TRAPPC9: variants seen among roughly 807,000 people sequenced by gnomAD.
The protein encoded by TRAPPC9 is IKK2 binding protein.
TRAPPC9 carries 83 observed loss-of-function variants against 124.0 expected under a neutral mutation model. The observed-to-expected ratio is 0.67, with a 90% CI of 0.56 to 0.80. The LOEUF (loss-of-function observed/expected upper bound fraction) is 0.80. Among genes scored for constraint, TRAPPC9 ranks in the 30% least tolerant of loss-of-function variants. The probability of loss-of-function intolerance (pLI) is 0.00; values close to 1 mark genes in which losing one functional copy is unlikely to be tolerated. For synonymous variants in TRAPPC9, 638 were observed against 617.5 expected (o/e 1.03, Z -0.49); for missense variants, 1,302 against 1,508.3 (o/e 0.86, Z 2.27).
At chr8:140,081,972 C>G (rs767431639) in intron 17 of TRAPPC9, 1 of 152,314 alleles carries the variant, frequency 6.6e-6, no homozygotes, top group African/African-American at 2.4e-5. Context: ...CAGGGGACCA[C>G]GCACACTCTT....
intron 7 of TRAPPC9, among the ~76,000 whole-genome samples, chr8:140,380,806 T>A (rs1046282386): frequency 2.0e-5 from 3 of 151,924 alleles, no homozygotes; most frequent in African/African-American, 7.3e-5. Context: ...TGACCTCGGG[T>A]TAGCAATCTT....
chr8:139,739,222 C>A (rs1166423389), intron 21 of TRAPPC9, among the ~76,000 whole-genome samples: 1 of 152,110 alleles, frequency 6.6e-6, no homozygotes, highest in Non-Finnish European at 1.5e-5. Context: ...TGGGTCCTCT[C>A]CTCCCGGACA....
chr8:139,863,873 C>G (rs528881008), intron 21 of TRAPPC9, among the ~76,000 whole-genome samples: 1 of 152,196 alleles, frequency 6.6e-6, no homozygotes, highest in Non-Finnish European at 1.5e-5. Flanking sequence ...GCATTCACAC[C>G]GGGCAGGCTG....
rs376727873 is a variant in TRAPPC9 at position 140,355,688 on chromosome 8, G to A, written c.1495+4362C>T. 2.7e-4 allele frequency among the ~76,000 whole-genome samples: 41 copies of A among 152,330 alleles called. No homozygotes were observed. In the East Asian group the frequency reaches 4.2e-3, roughly 16 times the overall value. ...CTGGCCATAAAAGCAATGGCCAGTCGTGACCATGTGAGGGAGACAAGCAGT... is the reference window on the plus strand; with the variant it reads ...CTGGCCATAAAAGCAATGGCCAGTCATGACCATGTGAGGGAGACAAGCAGT... On this transcript the variant is annotated intron_variant, in intron 9 of 22. Transcript: ENST00000438773.
chr8:139,835,478 C>T (rs534771705), intron 21 of TRAPPC9, among the ~76,000 whole-genome samples: 5 of 152,332 alleles, frequency 3.3e-5, no homozygotes, highest in African/African-American at 1.2e-4. Flanking sequence ...CCGTGCTGTG[C>T]GTGGATGCAC....
chr8:140,437,563 G>C (rs1003499550), intron 3 of TRAPPC9, among the ~76,000 whole-genome samples: 4 of 152,204 alleles, frequency 2.6e-5, no homozygotes, highest in Non-Finnish European at 4.4e-5. Flanking sequence ...GGCGGAGATT[G>C]CAGTGAGCCA....
At chr8:140,148,444 A>G (rs1312347981) in intron 17 of TRAPPC9, among the ~76,000 whole-genome samples, 1 of 152,062 alleles carries the variant, frequency 6.6e-6, no homozygotes, top group African/African-American at 2.4e-5. Flanking sequence ...TCCTTCATGG[A>G]CTCACTATAT....
At chr8:139,954,002 C>T (rs913192671) in intron 19 of TRAPPC9, among the ~76,000 whole-genome samples, 10 of 152,122 alleles carry the variant, frequency 6.6e-5, no homozygotes. Flanking sequence ...AAATAATTAT[C>T]CTGAGTGAAA....
At chr8:139,861,493 A>T (rs960858443) in intron 21 of TRAPPC9, among the ~76,000 whole-genome samples, 1 of 152,210 alleles carries the variant, frequency 6.6e-6, no homozygotes, top group Non-Finnish European at 1.5e-5. Context: ...ACTACTGACT[A>T]GGACTGTTGG....
In TRAPPC9 at chr8:140,457,616, G is replaced by A. The variant is rs1213001870; in HGVS notation, c.-11+23C>T. 6 of 985,666 alleles carry A rather than the reference G, an allele frequency of 6.1e-6. No individual in the cohort carries two copies. In the African/African-American group the frequency reaches 8.7e-5, roughly 14 times the overall value. 61.1% of individuals were successfully genotyped at this position (985,666 alleles called of 1,614,324 possible). A position where few individuals can be genotyped will look rare whatever the true frequency, so the allele number is the denominator to read the frequency against. On this transcript the variant is annotated intron_variant, in intron 1 of 22. Transcript: ENST00000438773. ...CAGCCGGTCCGAATTGCCTGACCGG[G>A]AGCCCCCCCGCTTTGCACTTACACA...
intron 2 of TRAPPC9, among the ~76,000 whole-genome samples, chr8:140,445,409 G>A (rs569144066): frequency 6.6e-6 from 1 of 152,216 alleles, no homozygotes; most frequent in Non-Finnish European, 1.5e-5. Context: ...TCACACAGGA[G>A]GTGGAGAGGA....
At chr8:139,750,605 C>T (rs961520102) in intron 21 of TRAPPC9, among the ~76,000 whole-genome samples, 1 of 152,200 alleles carries the variant, frequency 6.6e-6, no homozygotes, top group African/African-American at 2.4e-5. Context: ...TGCTGGGACC[C>T]CCAAAGCTGG....
intron 19 of TRAPPC9, among the ~76,000 whole-genome samples, chr8:139,964,364 C>G (rs2941573): frequency 0.87 from 132,980 of 152,090 alleles, 58,319 homozygotes; most frequent in East Asian, 0.98. Context: ...GGTGTGTGGA[C>G]AATCAGTTCA....
At chr8:139,970,181 C>A (rs972493259) in intron 19 of TRAPPC9, among the ~76,000 whole-genome samples, 1 of 152,186 alleles carries the variant, frequency 6.6e-6, no homozygotes, top group African/African-American at 2.4e-5. Context: ...GAAACAGGCG[C>A]CAGCGATGCC....
At chr8:140,037,737 CCA>C (rs1472257060) in intron 17 of TRAPPC9, among the ~76,000 whole-genome samples, 33 of 147,798 alleles carry the variant, frequency 2.2e-4, no homozygotes, top group Admixed American at 6.1e-4. Flanking sequence ...AATACACACC[CCA>C]CACACACACA....
chr8:140,351,328 T>C (rs375135967), intron 9 of TRAPPC9, among the ~76,000 whole-genome samples: 69 of 150,312 alleles, frequency 4.6e-4, no homozygotes, highest in Non-Finnish European at 8.6e-4. Flanking sequence ...CAACCGAGGA[T>C]TGAAAATATT....
intron 17 of TRAPPC9, among the ~76,000 whole-genome samples, chr8:140,079,941 A>G (rs535538145): frequency 6.6e-5 from 10 of 152,184 alleles, no homozygotes; most frequent in African/African-American, 2.4e-4. Flanking sequence ...AAATAATAAT[A>G]ATAATGATAA....
intron 17 of TRAPPC9, among the ~76,000 whole-genome samples, chr8:140,039,013 G>C (rs10081453): frequency 0.75 from 113,373 of 152,162 alleles, 42,668 homozygotes; most frequent in African/African-American, 0.84. Flanking sequence ...CAAACCTGCA[G>C]GGTCAAAGCC....
intron 18 of TRAPPC9, among the ~76,000 whole-genome samples, chr8:139,996,158 CAAAAAAAAA>C: frequency 0.07 from 1,377 of 19,556 alleles, 22 homozygotes; most frequent in Non-Finnish European, 0.093. Flanking sequence ...AAAACTTAAG[CAAAAAAAAA>C]AAAAAAAAAA....
Sources: allele counts gnomAD v4.1 joint callset (sites outside exome capture counted in the v4.1 genomes callset), GRCh38; gene constraint gnomAD v4.1.1; transcripts MANE v1.5; gene names NCBI Gene and HGNC (gene_info 2026-07-23, HGNC 2026-07-21).